Variants in REV1 observed in about 807,000 individuals in gnomAD.
REV1 encodes the protein translesion synthesis protein REV1.
In REV1, 42 loss-of-function variants were observed where a neutral mutation model predicts 137.4. The observed-to-expected ratio is 0.31, with a 90% CI of 0.24 to 0.40. The LOEUF is 0.40. Among genes scored for constraint, REV1 ranks in the 10% least tolerant of loss-of-function variants. The pLI is 1.00. For synonymous variants in REV1, 524 were observed against 519.2 expected (o/e 1.01, Z -0.12); for missense variants, 1,282 against 1,490.1 (o/e 0.86, Z 2.30).
chr2:99,412,969 G>A lies in REV1; in HGVS notation c.1952-18C>T. The A allele has an allele frequency of 6.4e-7, 1 of 1,557,824 alleles. No individual in the cohort carries two copies. Among genetic ancestry groups the A allele is most frequent in the Non-Finnish European group, 8.9e-7 (1 of 1,129,020 alleles). ...TCCAACTCCTAGGAAAGGGAATATA[G>A]TTAAGTATGCAGAATAAGCTACTAA... is the stretch of plus-strand genomic sequence containing the variant. On this transcript the variant is annotated intron_variant, in intron 12 of 22. Transcript: ENST00000258428.
chr2:99,449,341 C>A lies in REV1; in HGVS notation c.345G>T (p.Val115=). Residue 115 remains valine, a synonymous_variant, in exon 4 of 23, where the codon GTG becomes GTT. Coordinates refer to ENST00000258428, the MANE Select transcript of REV1 (RefSeq NM_016316.4). ...ATTTAATAAATTAAACTTACCTTTC[C>A]ACAATCCATTCTGGTCGAATTACTT... ...GEKVIRPEWI[V]ESIKAGRLLS... 6.6e-7 allele frequency: 1 copy of A among 1,510,352 alleles called. No homozygotes were observed. The highest frequency in any genetic ancestry group is 1.4e-5 in the South Asian group (1 of 71,902). 93.6% of individuals were successfully genotyped at this position (1,510,352 alleles called of 1,614,324 possible).
chr2:99,409,799 C>T (rs902628431), intron 14 of REV1, among the ~76,000 whole-genome samples: 1 of 149,174 alleles, frequency 6.7e-6, no homozygotes, highest in South Asian at 2.2e-4. Context: ...GCCGAGATCG[C>T]ACCACTGCCC....
intron 11 of REV1, 135 bp from the exon 12 acceptor site, chr2:99,419,082 G>A (rs1020743277): frequency 3.3e-5 from 25 of 755,858 alleles, no homozygotes; most frequent in Non-Finnish European, 5.0e-5. Flanking sequence ...CAAATAAGGT[G>A]TAGAATTTTG....
At chr2:99,451,028 T>G (rs1000127959) in intron 3 of REV1, among the ~76,000 whole-genome samples, 1 of 152,168 alleles carries the variant, frequency 6.6e-6, no homozygotes, top group South Asian at 2.1e-4. Flanking sequence ...TGATTTAATG[T>G]GAAACAGTAG....
rs1258390169 is a variant in REV1 at position 99,402,973 on chromosome 2, T to G, written c.3300A>C (p.Lys1100Asn). 1 of 1,614,192 alleles carries G rather than the reference T, an allele frequency of 6.2e-7. No individual in the cohort carries two copies. The highest frequency in any genetic ancestry group is 8.5e-7 in the Non-Finnish European group (1 of 1,180,040). ...GACTGCCACAGGCCCCTGGCAGAGT[T>G]TTTGCAGGACTGTTAAGCAGCTTGT... is the stretch of plus-strand genomic sequence containing the variant. Reference protein sequence around the residue: ...LNNKLLNSPAKTLPGACGSPQ... With the variant: ...LNNKLLNSPANTLPGACGSPQ... Residue 1100 changes from lysine to asparagine, a missense_variant, in exon 20 of 23, where the codon AAA (lysine) becomes AAC (asparagine). Transcript: ENST00000258428.
In REV1 at chr2:99,427,283, G is replaced by A. The variant is rs12619546; in HGVS notation, c.1547+2557C>T. Among the ~76,000 whole-genome samples, 343 of 152,236 alleles carry A rather than the reference G, an allele frequency of 2.3e-3. 12 individuals carry two copies. The East Asian group carries it at 0.058, about 26-fold the overall frequency. On this transcript the variant is annotated intron_variant, in intron 9 of 22. Transcript: ENST00000258428. ...GTAGTGGGTCCTTACAAAAGCACAA[G>A]AAAATGGGGTTTAGAAATTATATGA...
intron 9 of REV1, among the ~76,000 whole-genome samples, chr2:99,427,792 A>C (rs928965552): frequency 6.6e-6 from 1 of 152,140 alleles, no homozygotes; most frequent in Non-Finnish European, 1.5e-5. Flanking sequence ...CTTCAAGTTA[A>C]ATTCATTTTC....
intron 1 of REV1, among the ~76,000 whole-genome samples, chr2:99,475,391 G>A (rs910195124): frequency 6.6e-6 from 1 of 152,206 alleles, no homozygotes; most frequent in Non-Finnish European, 1.5e-5. Context: ...AACAGGATAT[G>A]ACCTAATGCT....
intron 1 of REV1, among the ~76,000 whole-genome samples, chr2:99,477,104 C>T (rs780222947): frequency 6.6e-6 from 1 of 151,926 alleles, no homozygotes; most frequent in Non-Finnish European, 1.5e-5. Flanking sequence ...GATGGCAAAA[C>T]GGCACTGTCC....
intron 3 of REV1, among the ~76,000 whole-genome samples, chr2:99,452,101 T>C (rs1682992546): frequency 6.6e-6 from 1 of 152,138 alleles, no homozygotes; most frequent in African/African-American, 2.4e-5. Context: ...AACACTCTCC[T>C]TTAATTCAGC....
chr2:99,490,024 C>G (rs1363542453), upstream of REV1: 4 of 149,726 alleles, frequency 2.7e-5, no homozygotes, highest in African/African-American at 9.7e-5. Context: ...GCTCTCCGCC[C>G]CTCCCCCTCC....
Position 99,412,756 on chromosome 2 carries a change from A to T in REV1, c.2147T>A (p.Ile716Asn). Residue 716 changes from isoleucine (I) to asparagine (N), a missense_variant, in exon 13 of 23, where the codon ATC becomes AAC. Coordinates refer to ENST00000258428, the MANE Select transcript of REV1 (RefSeq NM_016316.4). ...CTGAGTAAACCTTATTCCATAGTTG[A>T]TCTCAGCTGAAACAGATTTTCTTTC... is the stretch of plus-strand genomic sequence containing the variant. Reference protein sequence around the residue: ...EKERKSVSAEINYGIRFTQPK... With the variant: ...EKERKSVSAENNYGIRFTQPK... 1 of 1,613,934 alleles carries T rather than the reference A, an allele frequency of 6.2e-7. No homozygotes were observed. The highest frequency in any genetic ancestry group is 8.5e-7 in the Non-Finnish European group (1 of 1,179,824).
At chr2:99,429,754 C>CTGGCCT in intron 9 of REV1, 86 bp downstream of exon 9, 1 of 715,152 alleles carries the variant, frequency 1.4e-6, no homozygotes. Context: ...TTTAAATCCA[C>CTGGCCT]TTCAAAAGAT....
intron 12 of REV1, among the ~76,000 whole-genome samples, chr2:99,417,638 G>C (rs904990667): frequency 6.6e-6 from 1 of 152,160 alleles, no homozygotes; most frequent in Non-Finnish European, 1.5e-5. Flanking sequence ...GCTTCAGAAA[G>C]AGCCAACCCT....
intron 11 of REV1, among the ~76,000 whole-genome samples, chr2:99,419,226 T>G (rs10206944): frequency 0.016 from 1,844 of 113,818 alleles, 22 homozygotes; most frequent in Non-Finnish European, 0.02. Flanking sequence ...TTTTTTTTTT[T>G]TGGGGGATGG....
rs1467302670 is a variant in REV1 at position 99,400,654 on chromosome 2, A to C, written c.*587T>G. ...GGGACATAATGTTCCCAGGAAAAAA[A>C]TCTTCAAGTGGGTGTGAGGGTGTTT... On this transcript the variant is annotated 3_prime_UTR_variant, in exon 23 of 23. Transcript: ENST00000258428. 1.3e-5 allele frequency: 2 copies of C among 152,212 alleles called. No individual in the cohort carries two copies. The highest frequency in any genetic ancestry group is 2.9e-5 in the Non-Finnish European group (2 of 68,042). 9.4% of individuals were successfully genotyped at this position (152,212 alleles called of 1,614,324 possible).
In REV1 at chr2:99,473,653, C is replaced by T. The variant is rs551580776; in HGVS notation, c.-10-8668G>A. The stretch of plus-strand genomic sequence containing the variant: ...GCCACTTTATGTGTTTTTTTTACAC[C>T]TTCAGCATACTGAAACATTTTCCTG... On this transcript the variant is annotated intron_variant, in intron 1 of 22. Coordinates refer to ENST00000258428, the MANE Select transcript of REV1 (RefSeq NM_016316.4). Among the ~76,000 whole-genome samples the T allele has an allele frequency of 1.1e-4, 16 of 152,168 alleles. No homozygotes were observed. In the East Asian group the frequency reaches 2.7e-3, roughly 26 times the overall value.
At chr2:99,428,424 G>A (rs1255706452) in intron 9 of REV1, among the ~76,000 whole-genome samples, 1 of 152,108 alleles carries the variant, frequency 6.6e-6, no homozygotes, top group Non-Finnish European at 1.5e-5. Context: ...CAATTCCTTG[G>A]CCACAGCATC....
At chr2:99,461,673 G>A (rs1025248894) in intron 3 of REV1, among the ~76,000 whole-genome samples, 8 of 152,208 alleles carry the variant, frequency 5.3e-5, no homozygotes, top group Non-Finnish European at 1.0e-4. Context: ...AGAAAACCTG[G>A]TAACTAACAG....
Sources: allele counts gnomAD v4.1 joint callset (sites outside exome capture counted in the v4.1 genomes callset), GRCh38; gene constraint gnomAD v4.1.1; transcripts MANE v1.5; gene names NCBI Gene and HGNC (gene_info 2026-07-23, HGNC 2026-07-21).